EBF1: variants seen among roughly 807,000 people sequenced by gnomAD.
EBF1 encodes transcription factor COE1.
In EBF1, 10 loss-of-function variants were observed where a neutral mutation model predicts 68.4. The ratio of observed to expected loss-of-function variants is 0.15; its 90% confidence interval spans 0.09 to 0.25. EBF1 has a LOEUF of 0.25. Among genes scored for constraint, EBF1 ranks in the 10% least tolerant of loss-of-function variants. The pLI, the probability that EBF1 is intolerant of heterozygous loss-of-function variation, is 1.00. For synonymous variants in EBF1, 298 were observed against 299.8 expected, an observed-to-expected ratio of 0.99 and a Z score of 0.06; for missense variants, 509 against 794.4, an observed-to-expected ratio of 0.64 and a Z score of 4.32.
At chr5:158,868,564 G>C (rs1796328865) in intron 6 of EBF1, among the ~76,000 whole-genome samples, 2 of 152,188 alleles carry the variant, frequency 1.3e-5, no homozygotes. Context: ...AGTGAAGAAA[G>C]GGCAGTGCTT....
chr5:158,813,945 G>T (rs1783191671), intron 8 of EBF1, among the ~76,000 whole-genome samples: 1 of 152,192 alleles, frequency 6.6e-6, no homozygotes, highest in South Asian at 2.1e-4. Flanking sequence ...GGGAGCTCCT[G>T]TGACAGATAA....
intron 9 of EBF1, among the ~76,000 whole-genome samples, chr5:158,791,510 A>G (rs899017411): frequency 1.3e-5 from 2 of 151,742 alleles, no homozygotes; most frequent in Non-Finnish European, 2.9e-5. Context: ...ATCCACTGCT[A>G]CCCCATGCAA....
chr5:158,960,669 G>A (rs560760792), intron 6 of EBF1, among the ~76,000 whole-genome samples: 1 of 152,342 alleles, frequency 6.6e-6, no homozygotes, highest in African/African-American at 2.4e-5. Context: ...GTGGGCTAGA[G>A]TTAGTGACTT....
chr5:158,833,130 T>A (rs548718853), intron 7 of EBF1, among the ~76,000 whole-genome samples: 1 of 151,824 alleles, frequency 6.6e-6, no homozygotes, highest in South Asian at 2.1e-4. Context: ...GTTGTCTCCC[T>A]TCTCTACTAA....
At chr5:158,706,521 T>A (rs1180439694) in intron 15 of EBF1, among the ~76,000 whole-genome samples, 1 of 152,208 alleles carries the variant, frequency 6.6e-6, no homozygotes, top group Non-Finnish European at 1.5e-5. Flanking sequence ...AATCACTATA[T>A]GCTCATCACA....
chr5:159,062,468 G>T (rs7733049), intron 6 of EBF1, among the ~76,000 whole-genome samples: 1 of 151,144 alleles, frequency 6.6e-6, no homozygotes, highest in Non-Finnish European at 1.5e-5. Flanking sequence ...TTGGGGGTGG[G>T]GGACAGGAAG....
intron 6 of EBF1, among the ~76,000 whole-genome samples, chr5:158,963,631 T>C (rs1011054107): frequency 1.3e-5 from 2 of 152,192 alleles, no homozygotes; most frequent in Admixed American, 6.5e-5. Context: ...GGGAAGCTGG[T>C]GGTCACCTGA....
intron 6 of EBF1, among the ~76,000 whole-genome samples, chr5:158,875,066 C>CACAA (rs1198283743): frequency 9.3e-5 from 14 of 151,320 alleles, no homozygotes; most frequent in African/African-American, 3.4e-4. Flanking sequence ...TACACACACA[C>CACAA]ACACACACAC....
chr5:158,703,054 G>A (rs1266938921), intron 15 of EBF1, among the ~76,000 whole-genome samples: 1 of 152,100 alleles, frequency 6.6e-6, no homozygotes, highest in East Asian at 1.9e-4. Flanking sequence ...CTACATCAGC[G>A]GGGGTTCCAA....
intron 11 of EBF1, among the ~76,000 whole-genome samples, chr5:158,718,457 T>C (rs1342405154): frequency 6.6e-6 from 1 of 152,180 alleles, no homozygotes; most frequent in Non-Finnish European, 1.5e-5. Context: ...CCATGGACAA[T>C]GCCTCTCTCC....
In EBF1 at chr5:158,777,555, G is replaced by A. The variant is rs1433370503; in HGVS notation, c.910-16C>T. ...GAGTGATCAACTGGAGGAGACATTT[G>A]GGGGGAAAAATTGTCATTGCAATAG... is the stretch of plus-strand genomic sequence containing the variant. On this transcript the variant is annotated splice_polypyrimidine_tract_variant and intron_variant, in intron 9 of 15. Transcript: ENST00000313708. The A allele has an allele frequency of 4.4e-6, 7 of 1,581,640 alleles. No individual in the cohort carries two copies. Among genetic ancestry groups the A allele is most frequent in the South Asian group, 3.5e-5 (3 of 85,098 alleles).
intron 6 of EBF1, among the ~76,000 whole-genome samples, chr5:158,930,070 G>A (rs1810511811): frequency 6.6e-6 from 1 of 152,116 alleles, no homozygotes; most frequent in Non-Finnish European, 1.5e-5. Context: ...GTCATCAAAG[G>A]TGATTGTTTT....
intron 9 of EBF1, among the ~76,000 whole-genome samples, chr5:158,784,854 G>A (rs890108284): frequency 3.9e-5 from 6 of 152,222 alleles, no homozygotes; most frequent in East Asian, 3.9e-4. Context: ...AAGGGTCTGC[G>A]TTCTAAGGCA....
chr5:158,895,201 T>C (rs1360513419), intron 6 of EBF1, among the ~76,000 whole-genome samples: 1 of 152,146 alleles, frequency 6.6e-6, no homozygotes, highest in Non-Finnish European at 1.5e-5. Context: ...ACCAGCACTA[T>C]TCATTGAGCA....
intron 6 of EBF1, among the ~76,000 whole-genome samples, chr5:158,971,808 C>T (rs1252244343): frequency 6.6e-6 from 1 of 152,120 alleles, no homozygotes; most frequent in Non-Finnish European, 1.5e-5. Flanking sequence ...GGAGTGCTCT[C>T]CCTCACCTCC....
chr5:158,923,593 G>T (rs897874971), intron 6 of EBF1, among the ~76,000 whole-genome samples: 1 of 152,110 alleles, frequency 6.6e-6, no homozygotes, highest in Admixed American at 6.5e-5. Context: ...GCTGGGTGGC[G>T]GGAGGTGGGA....
intron 6 of EBF1, chr5:158,941,208 A>G (rs945492923): frequency 6.6e-6 from 3 of 455,902 alleles, no homozygotes; most frequent in African/African-American, 2.0e-5. Flanking sequence ...CACTCATTCC[A>G]GACACACACA....
At chr5:158,739,631 C>T (rs569361293) in intron 10 of EBF1, among the ~76,000 whole-genome samples, 6 of 151,996 alleles carry the variant, frequency 3.9e-5, no homozygotes, top group East Asian at 1.9e-4. Context: ...TGGATGATGG[C>T]GTTTAAATAT....
rs192377454 is a variant in EBF1, at chr5:158,826,649, C to A, written c.637-3332G>T. On this transcript the variant is annotated intron_variant, in intron 7 of 15. Transcript: ENST00000313708. ...AAATTTCTATTAGGGGGCTTTGCTT[C>A]TTAATGTGGCAATCTAGAGATATGC... Among the ~76,000 whole-genome samples, 27 of 152,272 alleles carry A rather than the reference C, an allele frequency of 1.8e-4. No individual in the cohort carries two copies. In the East Asian group the frequency reaches 4.6e-3, roughly 26 times the overall value.
Sources: gnomAD v4.1 joint callset for allele counts (sites outside exome capture counted in the v4.1 genomes callset) on GRCh38, gnomAD v4.1.1 for gene constraint, MANE v1.5 for transcripts, NCBI Gene and HGNC (gene_info 2026-07-23, HGNC 2026-07-21) for gene names.